The following LRRC7 variants were observed in gnomAD, a reference collection of about 807,000 sequenced individuals.
LRRC7 encodes the protein leucine rich repeat containing 7, also known as leucine-rich repeat-containing protein 7.
A neutral mutation model predicts 175.7 loss-of-function variants in LRRC7; 23 were observed. That is an observed-to-expected ratio of 0.13 (90% CI 0.09 to 0.19). The LOEUF is 0.19. LRRC7 is among the 10% of genes least tolerant of loss of function. The probability of loss-of-function intolerance (pLI) is 1.00; values close to 1 mark genes in which losing one functional copy is unlikely to be tolerated. For synonymous variants in LRRC7, 685 were observed against 680.9 expected (o/e 1.01, Z -0.09); for missense variants, 1,354 against 1,904.7 (o/e 0.71, Z 5.38).
chr1:69,829,581 T>C (rs1680306200), intron 5 of LRRC7, among the ~76,000 whole-genome samples: 1 of 149,806 alleles, frequency 6.7e-6, no homozygotes, highest in African/African-American at 2.5e-5. Flanking sequence ...TAACTGTGTA[T>C]TTGTACATAC....
chr1:69,790,858 G>A (rs767781786), intron 3 of LRRC7, among the ~76,000 whole-genome samples: 24 of 151,878 alleles, frequency 1.6e-4, no homozygotes, highest in Admixed American at 1.4e-3. Flanking sequence ...GAAGTGTTAC[G>A]AATAGTCTTT....
chr1:70,120,647 TAGTA>T (rs1193230080), intron 26 of LRRC7, among the ~76,000 whole-genome samples: 3 of 152,020 alleles, frequency 2.0e-5, no homozygotes, highest in Admixed American at 1.3e-4. Context: ...AGCATAAAAA[TAGTA>T]AGTAAAATAA....
At chr1:69,959,317 T>G (rs1650813486) in intron 8 of LRRC7, among the ~76,000 whole-genome samples, 1 of 152,078 alleles carries the variant, frequency 6.6e-6, no homozygotes, top group Admixed American at 6.6e-5. Context: ...GAACTGTTAA[T>G]GAATCTCAGC....
At chr1:69,669,257 G>C (rs1026935301) in intron 1 of LRRC7, among the ~76,000 whole-genome samples, 2 of 152,156 alleles carry the variant, frequency 1.3e-5, no homozygotes, top group Non-Finnish European at 2.9e-5. Flanking sequence ...TGGCAGAACA[G>C]ATCTGGTGTT....
chr1:69,796,685 T>C (rs565835444), intron 4 of LRRC7, among the ~76,000 whole-genome samples: 48 of 152,040 alleles, frequency 3.2e-4, no homozygotes, highest in Non-Finnish European at 5.7e-4. Flanking sequence ...TCCCATCTAC[T>C]TGGGAGGCTG....
intron 11 of LRRC7, among the ~76,000 whole-genome samples, chr1:70,001,197 C>A (rs980052596): frequency 1.3e-5 from 2 of 151,900 alleles, no homozygotes; most frequent in Non-Finnish European, 2.9e-5. Context: ...GTATAGTAAT[C>A]AGAACAACTA....
At chr1:69,960,980 G>C (rs1380244213) in intron 8 of LRRC7, among the ~76,000 whole-genome samples, 1 of 152,016 alleles carries the variant, frequency 6.6e-6, no homozygotes, top group East Asian at 1.9e-4. Context: ...ATTTCTGGCT[G>C]GGGCAATCAG....
At chr1:69,855,688 T>A (rs1393641111) in intron 7 of LRRC7, among the ~76,000 whole-genome samples, 2 of 152,080 alleles carry the variant, frequency 1.3e-5, no homozygotes, top group African/African-American at 4.8e-5. Context: ...CCTTGTTAAC[T>A]TTCTGTCTCG....
At chr1:69,970,645 C>A (rs934612099) in intron 8 of LRRC7, among the ~76,000 whole-genome samples, 3 of 152,002 alleles carry the variant, frequency 2.0e-5, no homozygotes, top group African/African-American at 7.2e-5. Flanking sequence ...GAAAGAATTA[C>A]CAACAAAAAG....
intron 4 of LRRC7, among the ~76,000 whole-genome samples, chr1:69,812,145 C>T (rs889184035): frequency 2.0e-5 from 3 of 152,042 alleles, no homozygotes; most frequent in Admixed American, 2.0e-4. Context: ...GCTTTAAACA[C>T]GGAGTTCCAG....
At chr1:69,657,527 C>A (rs555469964) in intron 1 of LRRC7, among the ~76,000 whole-genome samples, 16 of 151,852 alleles carry the variant, frequency 1.1e-4, no homozygotes, top group African/African-American at 3.9e-4. Flanking sequence ...ATCTGAACTG[C>A]CACAAGTAAA....
chr1:69,921,473 CT>C (rs1276823560), intron 7 of LRRC7, among the ~76,000 whole-genome samples: 4 of 152,148 alleles, frequency 2.6e-5, no homozygotes, highest in South Asian at 2.1e-4. Flanking sequence ...CTAATATACT[CT>C]CACTCCTATT....
At chr1:69,831,565 T>C (rs937920804) in intron 5 of LRRC7, among the ~76,000 whole-genome samples, 6 of 152,104 alleles carry the variant, frequency 3.9e-5, no homozygotes, top group Admixed American at 3.3e-4. Flanking sequence ...ACTCATCTTC[T>C]CTTTGTTACA....
intron 2 of LRRC7, among the ~76,000 whole-genome samples, chr1:69,709,826 C>A (rs942543005): frequency 1.1e-4 from 16 of 151,898 alleles, no homozygotes; most frequent in Admixed American, 7.2e-4. Flanking sequence ...TTGATTTATG[C>A]AACTATGTGT....
chr1:70,015,446 A>G (rs1656884066), intron 13 of LRRC7, among the ~76,000 whole-genome samples: 2 of 152,120 alleles, frequency 1.3e-5, no homozygotes, highest in Non-Finnish European at 2.9e-5. Context: ...GGCTGACAGA[A>G]TTCTAATACA....
intron 8 of LRRC7, among the ~76,000 whole-genome samples, chr1:69,951,073 A>T (rs1056741042): frequency 6.6e-6 from 1 of 151,884 alleles, no homozygotes. Flanking sequence ...TCCAGCATCT[A>T]TAAGGAACTT....
chr1:69,753,597 T>C (rs766248527), intron 2 of LRRC7, among the ~76,000 whole-genome samples: 10 of 152,096 alleles, frequency 6.6e-5, no homozygotes, highest in Non-Finnish European at 1.0e-4. Flanking sequence ...GTAAATTGGT[T>C]TGAATTTTTG....
In LRRC7 at chr1:70,076,146, T is replaced by C; in HGVS notation, c.4300T>C (p.Tyr1434His). The change falls in exon 24 of 27, where the codon TAT becomes CAT. Residue 1434 changes from tyrosine to histidine, a missense_variant. Coordinates refer to ENST00000651989, the MANE Select transcript of LRRC7 (RefSeq NM_001370785.2). Reference sequence around the variant, plus strand: ...GCATCGCAGCCGGGAGCAGCAGCCGTATGAAGGAAATATAAACAAAGTGAC... The same window carrying C: ...GCATCGCAGCCGGGAGCAGCAGCCGCATGAAGGAAATATAAACAAAGTGAC... ...LQHRSREQQP[Y>H]EGNINKVTIQ... The C allele has an allele frequency of 6.2e-7, 1 of 1,614,014 alleles. No homozygotes were observed.
chr1:70,070,610 A>G (rs1425444057), intron 23 of LRRC7, among the ~76,000 whole-genome samples: 1 of 152,114 alleles, frequency 6.6e-6, no homozygotes, highest in Non-Finnish European at 1.5e-5. Flanking sequence ...CAGTTGGGGA[A>G]GGGTGGGGTG....
Sources: gnomAD v4.1 joint callset for allele counts (sites outside exome capture counted in the v4.1 genomes callset) on GRCh38, gnomAD v4.1.1 for gene constraint, MANE v1.5 for transcripts, NCBI Gene and HGNC (gene_info 2026-07-23, HGNC 2026-07-21) for gene names.